CCSER1: variants seen among roughly 807,000 people sequenced by gnomAD.
CCSER1 encodes serine-rich coiled-coil domain-containing protein 1.
CCSER1 carries 41 observed loss-of-function variants against 82.0 expected under a neutral mutation model. That is an observed-to-expected ratio of 0.50 (90% CI 0.39 to 0.65). The LOEUF (loss-of-function observed/expected upper bound fraction) is 0.65, where lower values mean the gene tolerates loss of function less well. Ranked by LOEUF, CCSER1 falls within the 30% of genes least tolerant of loss-of-function variation. The pLI is 0.00. For synonymous variants in CCSER1, 414 were observed against 383.9 expected, an observed-to-expected ratio of 1.08 and a Z score of -0.92; for missense variants, 1,119 against 1,064.2, an observed-to-expected ratio of 1.05 and a Z score of -0.72.
intron 5 of CCSER1, among the ~76,000 whole-genome samples, chr4:90,496,420 A>T (rs543113884): frequency 1.6e-4 from 24 of 152,228 alleles, no homozygotes; most frequent in Admixed American, 2.6e-4. Flanking sequence ...TTCACATGGA[A>T]TTAAAACCAA....
At chr4:91,103,377 C>T (rs1725275825) in intron 10 of CCSER1, among the ~76,000 whole-genome samples, 1 of 152,128 alleles carries the variant, frequency 6.6e-6, no homozygotes, top group Non-Finnish European at 1.5e-5. Context: ...ACATCCTCAC[C>T]TATATGTCAT....
intron 1 of CCSER1, among the ~76,000 whole-genome samples, chr4:90,198,969 T>C (rs1050599121): frequency 6.6e-6 from 1 of 152,174 alleles, no homozygotes; most frequent in Non-Finnish European, 1.5e-5. Context: ...AACAGACTCA[T>C]CTTTCACTTA....
chr4:90,616,683 TCACACA>T (rs56988615), intron 5 of CCSER1, among the ~76,000 whole-genome samples: 14,839 of 120,008 alleles, frequency 0.12, 776 homozygotes, highest in Admixed American at 0.17. Flanking sequence ...TGGCTCTGTC[TCACACA>T]CACACACACA....
Position 90,610,959 on chromosome 4 carries a change from A to ACCT in CCSER1, c.1725-17063_1725-17061dup, listed in dbSNP as rs1225355065. Among the ~76,000 whole-genome samples the ACCT allele has an allele frequency of 6.0e-5, 9 of 149,890 alleles. No individual in the cohort carries two copies. The East Asian group carries it at 1.8e-3, about 30-fold the overall frequency. ...AATAGCGTGATCTTGGCTCACTGCA[A>ACCT]CCTCCCCTTCCAGGTTCAAGCAATT... On this transcript the variant is annotated intron_variant, in intron 5 of 10. Transcript: ENST00000509176.
intron 5 of CCSER1, among the ~76,000 whole-genome samples, chr4:90,616,352 T>TA (rs1318975560): frequency 6.6e-6 from 1 of 152,094 alleles, no homozygotes; most frequent in Non-Finnish European, 1.5e-5. Context: ...TCCAGTATGT[T>TA]ACACTCTTCT....
At chr4:90,484,309 T>G (rs915007321) in intron 5 of CCSER1, among the ~76,000 whole-genome samples, 1 of 152,184 alleles carries the variant, frequency 6.6e-6, no homozygotes, top group Non-Finnish European at 1.5e-5. Flanking sequence ...TATTTGCCAT[T>G]GGTTCGAACT....
intron 7 of CCSER1, among the ~76,000 whole-genome samples, chr4:90,807,494 T>C (rs757130202): frequency 1.3e-5 from 2 of 152,094 alleles, no homozygotes; most frequent in Non-Finnish European, 2.9e-5. Flanking sequence ...TGGCTCACAC[T>C]TGTAGTCCTA....
intron 6 of CCSER1, among the ~76,000 whole-genome samples, chr4:90,704,815 T>G (rs1198885052): frequency 1.3e-5 from 2 of 152,220 alleles, no homozygotes; most frequent in African/African-American, 2.4e-5. Flanking sequence ...GGCATGGTTT[T>G]CAGCTCCATC....
rs77404481 is a variant in CCSER1 at position 90,866,133 on chromosome 4, A to G, written c.2094+50288A>G. ...CTCTGAAATTGGGTATTACAATTCAACATGAGATTTGAGTGGCAACAGAGA... is the reference window on the plus strand; with the variant it reads ...CTCTGAAATTGGGTATTACAATTCAGCATGAGATTTGAGTGGCAACAGAGA... On this transcript the variant is annotated intron_variant, in intron 8 of 10. Transcript: ENST00000509176. 9.6e-3 allele frequency among the ~76,000 whole-genome samples: 1,457 copies of G among 152,090 alleles called. 27 individuals are homozygous for G. Among genetic ancestry groups the G allele is most frequent in the African/African-American group, 0.033 (1,390 of 41,518 alleles).
rs199525833 is a variant in CCSER1 at position 90,595,055 on chromosome 4, G to T, written c.1725-32970G>T. 1.9e-4 allele frequency among the ~76,000 whole-genome samples: 29 copies of T among 152,008 alleles called. No homozygotes were observed. The East Asian group carries it at 5.6e-3, about 29-fold the overall frequency. ...ATCGATCTATTAACAAGTGTTTTGA[G>T]TTACTTATCAGAGAATTCATCATAA... is the stretch of plus-strand genomic sequence containing the variant. On this transcript the variant is annotated intron_variant, in intron 5 of 10. Coordinates refer to ENST00000509176, the MANE Select transcript of CCSER1 (RefSeq NM_001145065.2).
chr4:91,585,045 C>A (rs1025759022), intron 10 of CCSER1, among the ~76,000 whole-genome samples: 3 of 151,482 alleles, frequency 2.0e-5, no homozygotes, highest in African/African-American at 7.3e-5. Flanking sequence ...AATTGACCTT[C>A]ATTTGATTTA....
intron 8 of CCSER1, among the ~76,000 whole-genome samples, chr4:90,860,639 T>C (rs1764977896): frequency 6.6e-6 from 1 of 151,750 alleles, no homozygotes; most frequent in Non-Finnish European, 1.5e-5. Flanking sequence ...TGTTCATCAA[T>C]TGATTAATGG....
chr4:90,929,333 C>T (rs1327199615), intron 9 of CCSER1, among the ~76,000 whole-genome samples: 2 of 152,052 alleles, frequency 1.3e-5, no homozygotes, highest in Admixed American at 1.3e-4. Flanking sequence ...ATGGATATTG[C>T]TATATACTAT....
At chr4:90,801,944 G>A (rs1246385408) in intron 7 of CCSER1, among the ~76,000 whole-genome samples, 4 of 152,152 alleles carry the variant, frequency 2.6e-5, no homozygotes, top group Middle Eastern at 3.4e-3. Flanking sequence ...TCTAGGCTGG[G>A]GGCGTTGTCT....
Position 91,043,294 on chromosome 4 carries a change from C to T in CCSER1, c.2173-42656C>T, listed in dbSNP as rs1379176326. Among the ~76,000 whole-genome samples, 3 of 151,350 alleles carry T rather than the reference C, an allele frequency of 2.0e-5. No homozygotes were observed. The South Asian group carries it at 6.3e-4, about 32-fold the overall frequency. On this transcript the variant is annotated intron_variant, in intron 9 of 10. Transcript: ENST00000509176. ...ATCTTAAAAATCAATAATAAAACTC[C>T]CCAAATTATTCTTTAGAAGGTTGAA...
intron 3 of CCSER1, among the ~76,000 whole-genome samples, chr4:90,325,080 T>TA (rs1737899659): frequency 6.6e-6 from 1 of 152,208 alleles, no homozygotes; most frequent in Non-Finnish European, 1.5e-5. Context: ...CACATGTTAT[T>TA]AAAACCAGGT....
intron 10 of CCSER1, among the ~76,000 whole-genome samples, chr4:91,364,899 T>C (rs1749504094): frequency 6.6e-6 from 1 of 152,142 alleles, no homozygotes; most frequent in African/African-American, 2.4e-5. Context: ...TCTTTGATGT[T>C]TCTTAAAAAT....
intron 4 of CCSER1, among the ~76,000 whole-genome samples, chr4:90,412,898 C>G (rs922023681): frequency 6.6e-6 from 1 of 152,034 alleles, no homozygotes; most frequent in Non-Finnish European, 1.5e-5. Context: ...TACTGGAAGT[C>G]CTAGCCAGAG....
chr4:90,132,084 A>ATG (rs1191242198), intron 1 of CCSER1, among the ~76,000 whole-genome samples: 2 of 152,192 alleles, frequency 1.3e-5, no homozygotes, highest in African/African-American at 4.8e-5. Context: ...TTTCATATAT[A>ATG]TATTTTGTTG....
Sources: gnomAD v4.1 joint callset for allele counts (sites outside exome capture counted in the v4.1 genomes callset) on GRCh38, gnomAD v4.1.1 for gene constraint, MANE v1.5 for transcripts, NCBI Gene and HGNC (gene_info 2026-07-23, HGNC 2026-07-21) for gene names.